The following ZNF626 variants were observed in gnomAD, a reference collection of about 807,000 sequenced individuals.
The protein encoded by ZNF626 is CTC-513N18.7.
ZNF626 carries 4 observed loss-of-function variants against 11.7 expected under a neutral mutation model. The observed-to-expected ratio is 0.34, with a 90% CI of 0.17 to 0.78. The LOEUF is 0.78. ZNF626 is among the 30% of genes least tolerant of loss of function. The pLI is 0.57. For synonymous variants in ZNF626, 179 were observed against 198.6 expected (o/e 0.90, Z 0.83); for missense variants, 588 against 587.1 (o/e 1.00, Z -0.01).
intron 1 of ZNF626, among the ~76,000 whole-genome samples, chr19:20,647,027 T>TTAC (rs3078662): frequency 0.22 from 32,865 of 151,738 alleles, 3,916 homozygotes; most frequent in East Asian, 0.46. Context: ...TTTTCGTAGT[T>TTAC]TTAGTAGAGA....
chr19:20,629,154 G>T (rs1367332591), intron 3 of ZNF626, among the ~76,000 whole-genome samples: 2 of 152,124 alleles, frequency 1.3e-5, no homozygotes, highest in East Asian at 1.9e-4. Flanking sequence ...CTCTGGTTTG[G>T]TACCAGTACC....
chr19:20,645,989 G>C (rs891707492), intron 2 of ZNF626, among the ~76,000 whole-genome samples: 1 of 152,048 alleles, frequency 6.6e-6, no homozygotes, highest in East Asian at 1.9e-4. Flanking sequence ...TCAAAAATTG[G>C]TGGTGGCAAT....
chr19:20,633,449 GGCT>G lies in ZNF626; in HGVS notation c.227-7802_227-7800del, dbSNP rs534241026. Among the ~76,000 whole-genome samples the G allele has an allele frequency of 3.5e-3, 532 of 152,310 alleles. 3 individuals are homozygous for G. Among genetic ancestry groups the G allele is most frequent in the African/African-American group, 0.011 (465 of 41,568 alleles). ...GGGCTCCACCCAGTTTGAGCTTCCC[GGCT>G]GCTTTGTTTACCTAATCAAACAACT... On this transcript the variant is annotated intron_variant, in intron 3 of 3. Coordinates refer to ENST00000601440, the MANE Select transcript of ZNF626 (RefSeq NM_001076675.3).
In ZNF626 at chr19:20,622,014, C is replaced by T. The variant is rs1568452155; in HGVS notation, c.*2276G>A. The T allele has an allele frequency of 1.3e-5, 2 of 152,162 alleles. No individual in the cohort carries two copies. Among genetic ancestry groups the T allele is most frequent in the African/African-American group, 4.8e-5 (2 of 41,422 alleles). The allele number at this position is 152,162 out of a possible 1,614,324, so 9.4% of individuals were successfully genotyped here. A position where few individuals can be genotyped will look rare whatever the true frequency, so the allele number is the denominator to read the frequency against. On this transcript the variant is annotated 3_prime_UTR_variant, in exon 4 of 4. Coordinates refer to ENST00000601440, the MANE Select transcript of ZNF626 (RefSeq NM_001076675.3). ...CTAGCCTGACCAATATGGGGAAACC[C>T]CATGTCTATTAAAAATATAAAAATT...
At chr19:20,637,484 C>A (rs370029069) in intron 3 of ZNF626, among the ~76,000 whole-genome samples, 222 of 121,632 alleles carry the variant, frequency 1.8e-3, no homozygotes, top group Admixed American at 1.8e-3. Context: ...CACTCTGTCT[C>A]AAAAAAAAAA....
Position 20,620,327 on chromosome 19 carries a change from A to C in ZNF626, c.*3963T>G, listed in dbSNP as rs1028447733. 2 of 152,154 alleles carry C rather than the reference A, an allele frequency of 1.3e-5. No individual in the cohort carries two copies. Among genetic ancestry groups the C allele is most frequent in the African/African-American group, 4.8e-5 (2 of 41,432 alleles). The allele number at this position is 152,154 out of a possible 1,614,324, so 9.4% of individuals were successfully genotyped here. On this transcript the variant is annotated 3_prime_UTR_variant, in exon 4 of 4. Transcript: ENST00000601440. ...TTAGTTTTCCATTAATCACCTAAAA[A>C]CTTATTTTGTTCCAATAATTGCGTT...
chr19:20,660,767 C>T (rs1022672964), intron 1 of ZNF626, among the ~76,000 whole-genome samples: 5 of 152,190 alleles, frequency 3.3e-5, no homozygotes, highest in African/African-American at 1.2e-4. Context: ...TTGTTTCCAT[C>T]CCCTATTGGC....
At chr19:20,644,876 C>G (rs1004347779) in intron 3 of ZNF626, 1 of 151,782 alleles carries the variant, frequency 6.6e-6, no homozygotes, top group Non-Finnish European at 1.5e-5. Flanking sequence ...TTGACTATAC[C>G]TTAAATAATA....
chr19:20,645,306 G>A (rs1970063571), intron 3 of ZNF626: 4 of 1,544,636 alleles, frequency 2.6e-6, no homozygotes, highest in South Asian at 1.3e-5. Context: ...GATGCAAAGA[G>A]AACTTTGAGA....
chr19:20,626,739 G>A (rs782236209), intron 3 of ZNF626, among the ~76,000 whole-genome samples: 54 of 151,938 alleles, frequency 3.6e-4, no homozygotes, highest in Admixed American at 1.3e-3. Flanking sequence ...AATAGGCTGG[G>A]CGCAATGGCT....
At chr19:20,644,843 CAAAA>C (rs1441374364) in intron 3 of ZNF626, 3 of 151,596 alleles carry the variant, frequency 2.0e-5, no homozygotes, top group Non-Finnish European at 2.9e-5. Flanking sequence ...AACTATCTGA[CAAAA>C]TAGAGGAAGA....
At position 20,624,955 on chromosome 19, in the gene ZNF626, T is replaced by C. The variant is rs2144761784; in HGVS notation, c.922A>G (p.Thr308Ala). Residue 308 changes from threonine to alanine, a missense_variant, in exon 4 of 4, where the codon ACT becomes GCT. By Grantham distance (58) the Thr-to-Ala change is moderately conservative. Around this residue, in one of 4 missense-constraint regions of ZNF626, gnomAD observed 524 missense variants for 470.1 expected, o/e 1.11. Transcript: ENST00000601440. ...TCACATTTGTAGGGTTTTTCTCCAG[T>C]ATGAATTATCTTATGTGTAGTAAGG... ...STLTTHKIIH[T>A]GEKPYKCEEC... is the part of the protein sequence containing the mutation. 1 of 1,613,924 alleles carries C rather than the reference T, an allele frequency of 6.2e-7. No homozygotes were observed. The highest frequency in any genetic ancestry group is 8.5e-7 in the Non-Finnish European group (1 of 1,179,974).
intron 1 of ZNF626, among the ~76,000 whole-genome samples, chr19:20,651,291 T>C (rs274815): frequency 0.51 from 77,052 of 151,240 alleles, 22,649 homozygotes; most frequent in African/African-American, 0.81. Flanking sequence ...GCAAATAATG[T>C]CCAATATTTT....
In ZNF626 at chr19:20,625,373, A is replaced by C; in HGVS notation, c.504T>G (p.Thr168=). Reference sequence around the variant, plus strand: ...CTATATATTTGAAAGGTTTTTTCCCAGTATGTCCTCTCTTTTGTCCGTTTG... The same window carrying C: ...CTATATATTTGAAAGGTTTTTTCCCCGTATGTCCTCTCTTTTGTCCGTTTG... ...PNSNGQKRGH[T]GKKPFKYIEC... Residue 168 remains threonine, a synonymous_variant, in exon 4 of 4, where the codon ACT becomes ACG. Coordinates refer to ENST00000601440, the MANE Select transcript of ZNF626 (RefSeq NM_001076675.3). 6.2e-7 allele frequency: 1 copy of C among 1,614,076 alleles called. No homozygotes were observed. The highest frequency in any genetic ancestry group is 8.5e-7 in the Non-Finnish European group (1 of 1,180,014).
At chr19:20,651,938 A>T (rs1383231526) in intron 1 of ZNF626, among the ~76,000 whole-genome samples, 3 of 151,924 alleles carry the variant, frequency 2.0e-5, no homozygotes, top group Non-Finnish European at 4.4e-5. Flanking sequence ...TTTTTTTTAC[A>T]CTTACACATA....
Position 20,625,176 on chromosome 19 carries a change from C to T in ZNF626, c.701G>A (p.Cys234Tyr), listed in dbSNP as rs1555769399. The T allele has an allele frequency of 1.2e-6, 2 of 1,613,076 alleles. No homozygotes were observed. The highest frequency in any genetic ancestry group is 2.7e-5 in the African/African-American group (2 of 74,870). The change falls in exon 4 of 4, where the codon TGT becomes TAT. Residue 234 changes from cysteine to tyrosine, a missense_variant. Physicochemically the swap from Cys to Tyr is radical, Grantham distance 194. This residue lies in a region of ZNF626 where 524 missense variants were observed against 470.1 expected (regional missense o/e 1.11). Coordinates refer to ENST00000601440, the MANE Select transcript of ZNF626 (RefSeq NM_001076675.3). ...GGAGGAGTGCTTAAAGGCTTTGCCA[C>T]ATTCTTCACATTTGTAGGGTTTCTC... ...TGEKPYKCEE[C>Y]GKAFKHSSTL... is the part of the protein sequence containing the mutation.
At position 20,624,824 on chromosome 19, in the gene ZNF626, C is replaced by A. The variant is rs1599470033; in HGVS notation, c.1053G>T (p.Lys351Asn). The A allele has an allele frequency of 6.2e-7, 1 of 1,612,552 alleles. No individual in the cohort carries two copies. The highest frequency in any genetic ancestry group is 1.1e-5 in the South Asian group (1 of 90,986). The change falls in exon 4 of 4, where the codon AAG becomes AAT. Residue 351 changes from lysine (K) to asparagine (N), a missense_variant. By Grantham distance (94) the Lys-to-Asn change is moderately conservative. Transcript: ENST00000601440. The part of the protein sequence containing the change: ...YKCEECGKAF[K>N]YSSTLTTHKR... ...TATGTGTAGTAAGGGTAGAGGAGTA[C>A]TTAAAGGCTTTGCCACATTCTTCAC...
intron 3 of ZNF626, among the ~76,000 whole-genome samples, chr19:20,638,580 C>T (rs1028055438): frequency 2.0e-5 from 3 of 151,754 alleles, no homozygotes; most frequent in African/African-American, 7.3e-5. Context: ...AATGGAAAAA[C>T]GTATATTCCA....
chr19:20,642,919 G>A lies in ZNF626; in HGVS notation c.226+2765C>T, dbSNP rs150218154. Among the ~76,000 whole-genome samples, 91 of 151,218 alleles carry A rather than the reference G, an allele frequency of 6.0e-4. No individual in the cohort carries two copies. The East Asian group carries it at 0.012, about 20-fold the overall frequency. ...CCAGCTACTTGGGAGGATGAGGCAT[G>A]AGAACTGCTTGAACCCGGAAGGTGA... On this transcript the variant is annotated intron_variant, in intron 3 of 3. Transcript: ENST00000601440.
Sources: allele counts gnomAD v4.1 joint callset (sites outside exome capture counted in the v4.1 genomes callset), GRCh38; gene constraint gnomAD v4.1.1; regional missense constraint gnomAD v4.1.1; transcripts MANE v1.5; gene names NCBI Gene and HGNC (gene_info 2026-07-23, HGNC 2026-07-21).